LRRC4C: variants seen among roughly 807,000 people sequenced by gnomAD.
LRRC4C encodes the protein leucine rich repeat containing 4C, also known as leucine-rich repeat-containing protein 4C.
In LRRC4C, 5 loss-of-function variants were observed where a neutral mutation model predicts 33.6. The ratio of observed to expected loss-of-function variants is 0.15; its 90% CI spans 0.08 to 0.31. The LOEUF (loss-of-function observed/expected upper bound fraction) is 0.31. LRRC4C is among the 10% of genes least tolerant of loss of function. The probability of loss-of-function intolerance (pLI) is 1.00; values close to 1 mark genes in which losing one functional copy is unlikely to be tolerated. For synonymous variants in LRRC4C, 329 were observed against 302.0 expected, an observed-to-expected ratio of 1.09 and a Z score of -0.93; for missense variants, 560 against 796.7, an observed-to-expected ratio of 0.70 and a Z score of 3.58.
chr11:40,123,751 A>G (rs12278778), intron 6 of LRRC4C, among the ~76,000 whole-genome samples: 11,670 of 152,238 alleles, frequency 0.077, 492 homozygotes, highest in East Asian at 0.19. Flanking sequence ...TAAAATGTAT[A>G]TGAGACCACA....
chr11:41,214,849 TG>T (rs2136338492), intron 1 of LRRC4C, among the ~76,000 whole-genome samples: 1 of 147,072 alleles, frequency 6.8e-6, no homozygotes, highest in Non-Finnish European at 1.5e-5. Flanking sequence ...TATAAATAAA[TG>T]CTTAAGTAAA....
chr11:41,263,075 C>T (rs1949035720), intron 1 of LRRC4C, among the ~76,000 whole-genome samples: 1 of 152,080 alleles, frequency 6.6e-6, no homozygotes, highest in African/African-American at 2.4e-5. Context: ...TAACACCTTA[C>T]GAGGTCAATA....
At chr11:41,446,460 T>C (rs1955830230) in intron 1 of LRRC4C, among the ~76,000 whole-genome samples, 1 of 152,118 alleles carries the variant, frequency 6.6e-6, no homozygotes, top group Non-Finnish European at 1.5e-5. Flanking sequence ...TTAGCCTCAC[T>C]GGCAGCTTGT....
intron 2 of LRRC4C, among the ~76,000 whole-genome samples, chr11:40,841,819 G>A (rs992077049): frequency 3.3e-5 from 5 of 152,130 alleles, no homozygotes; most frequent in African/African-American, 9.7e-5. Flanking sequence ...TAAATAGAAG[G>A]CACATTCATA....
At chr11:40,361,549 G>A (rs1947949811) in intron 3 of LRRC4C, among the ~76,000 whole-genome samples, 1 of 152,158 alleles carries the variant, frequency 6.6e-6, no homozygotes, top group Admixed American at 6.6e-5. Context: ...GCTAACCAGG[G>A]AGGTGAAATA....
Position 41,409,715 on chromosome 11 carries a change from A to ATT in LRRC4C, c.-496+49715_-496+49716insAA, listed in dbSNP as rs756280553. Among the ~76,000 whole-genome samples the ATT allele has an allele frequency of 6.6e-5, 10 of 152,220 alleles. No homozygotes were observed. In the East Asian group the frequency reaches 1.3e-3, roughly 21 times the overall value. On this transcript the variant is annotated intron_variant, in intron 1 of 6. Transcript: ENST00000528697. The stretch of plus-strand genomic sequence containing the variant: ...GAAGCACTCCATAACTATAGCAAGA[A>ATT]AGATAAAAAGCAATTCAAGATTGCT...
intron 2 of LRRC4C, among the ~76,000 whole-genome samples, chr11:40,901,031 A>G (rs767586282): frequency 6.6e-6 from 1 of 152,102 alleles, no homozygotes; most frequent in Non-Finnish European, 1.5e-5. Flanking sequence ...GTTGCTTTGT[A>G]TGAGGACGTT....
At chr11:40,559,733 CT>C (rs1183025389) in intron 3 of LRRC4C, among the ~76,000 whole-genome samples, 3 of 152,038 alleles carry the variant, frequency 2.0e-5, no homozygotes, top group Non-Finnish European at 4.4e-5. Flanking sequence ...TTATTTTTGA[CT>C]TTTAATGGTA....
At chr11:40,357,671 TTCTC>T (rs144048959) in intron 3 of LRRC4C, among the ~76,000 whole-genome samples, 9 of 148,626 alleles carry the variant, frequency 6.1e-5, no homozygotes, top group African/African-American at 1.5e-4. Context: ...TGAAAAACCC[TTCTC>T]TCTCTCTCTC....
intron 1 of LRRC4C, among the ~76,000 whole-genome samples, chr11:41,056,578 A>C (rs1399428184): frequency 6.6e-6 from 1 of 152,174 alleles, no homozygotes; most frequent in East Asian, 1.9e-4. Flanking sequence ...AAAAACAAAC[A>C]ACCCCATTTA....
intron 1 of LRRC4C, among the ~76,000 whole-genome samples, chr11:41,094,720 C>T (rs1349911391): frequency 3.3e-5 from 5 of 151,938 alleles, no homozygotes; most frequent in Non-Finnish European, 5.9e-5. Context: ...AATGTAAGCC[C>T]TATACAAGAT....
chr11:40,912,774 C>T (rs1300240813), intron 2 of LRRC4C, among the ~76,000 whole-genome samples: 12 of 151,980 alleles, frequency 7.9e-5, no homozygotes, highest in Non-Finnish European at 1.8e-4. Flanking sequence ...GAGTCAAGAC[C>T]CATCAGTGTG....
At chr11:40,930,102 T>C (rs963811560) in intron 2 of LRRC4C, among the ~76,000 whole-genome samples, 3 of 152,126 alleles carry the variant, frequency 2.0e-5, no homozygotes, top group African/African-American at 7.2e-5. Context: ...GACCCGGGGC[T>C]AATAAGAGAA....
At chr11:40,425,440 C>T (rs1449985428) in intron 3 of LRRC4C, among the ~76,000 whole-genome samples, 2 of 152,132 alleles carry the variant, frequency 1.3e-5, no homozygotes, top group East Asian at 1.9e-4. Flanking sequence ...TTGCTGTTAG[C>T]CTTACAAAGG....
chr11:41,186,986 C>T (rs1033135705), intron 1 of LRRC4C, among the ~76,000 whole-genome samples: 3 of 152,082 alleles, frequency 2.0e-5, no homozygotes, highest in African/African-American at 7.2e-5. Flanking sequence ...TAATTATATA[C>T]ACCTGGACCC....
intron 2 of LRRC4C, among the ~76,000 whole-genome samples, chr11:40,760,060 A>G (rs886996889): frequency 6.6e-6 from 1 of 151,862 alleles, no homozygotes; most frequent in Non-Finnish European, 1.5e-5. Context: ...TCTTTTCCAG[A>G]TTGAGGTGAA....
intron 1 of LRRC4C, among the ~76,000 whole-genome samples, chr11:41,289,539 T>C (rs1408289349): frequency 6.6e-6 from 1 of 152,136 alleles, no homozygotes; most frequent in African/African-American, 2.4e-5. Context: ...AAGGAAGACA[T>C]GGCAGAGAGT....
At chr11:40,399,506 G>A (rs1777002348) in intron 3 of LRRC4C, among the ~76,000 whole-genome samples, 1 of 151,914 alleles carries the variant, frequency 6.6e-6, no homozygotes, top group African/African-American at 2.4e-5. Flanking sequence ...ACACAGGAAG[G>A]GGAACATCAC....
intron 4 of LRRC4C, among the ~76,000 whole-genome samples, chr11:40,263,248 G>C (rs1941996820): frequency 6.6e-6 from 1 of 152,108 alleles, no homozygotes. Context: ...ATTTCACACT[G>C]CTATGGGACA....
Sources: allele counts gnomAD v4.1 joint callset (sites outside exome capture counted in the v4.1 genomes callset), GRCh38; gene constraint gnomAD v4.1.1; transcripts MANE v1.5; gene names NCBI Gene and HGNC (gene_info 2026-07-23, HGNC 2026-07-21).